PGCKA1: variants seen among roughly 807,000 people sequenced by gnomAD.
The protein encoded by PGCKA1 is PDCD10 and GCKIII kinases associated 1.
At chr4:37,507,696 AAAAC>A in the PGCKA1 span, among the ~76,000 whole-genome samples, 1 of 152,132 alleles carries the variant, frequency 6.6e-6, no homozygotes, top group African/African-American at 2.4e-5. Flanking sequence ...TCTGTCTAAA[AAAAC>A]ATAGTTTGTA....
At chr4:37,494,298 A>G in the PGCKA1 span, among the ~76,000 whole-genome samples, 1 of 152,090 alleles carries the variant, frequency 6.6e-6, no homozygotes, top group African/African-American at 2.4e-5. Context: ...ACCCTCCAGT[A>G]GTCCTCCATG....
chr4:37,578,434 G>A, the PGCKA1 span, among the ~76,000 whole-genome samples: 7 of 152,066 alleles, frequency 4.6e-5, no homozygotes, highest in African/African-American at 1.7e-4. Context: ...CAGTCTATGT[G>A]TGTCTTTATA....
chr4:37,463,640 C>G, the PGCKA1 span, among the ~76,000 whole-genome samples: 10 of 152,202 alleles, frequency 6.6e-5, no homozygotes, highest in African/African-American at 2.4e-4. Flanking sequence ...TGCTGCAGCA[C>G]AGGGCTAAAT....
the PGCKA1 span, among the ~76,000 whole-genome samples, chr4:37,509,234 T>C: frequency 2.6e-5 from 3 of 114,132 alleles, no homozygotes; most frequent in Admixed American, 2.7e-4. Context: ...GAGGGGCTCC[T>C]CACTTCCCAG....
the PGCKA1 span, among the ~76,000 whole-genome samples, chr4:37,592,408 C>T: frequency 4.0e-5 from 6 of 151,358 alleles, no homozygotes; most frequent in East Asian, 1.9e-4. Context: ...AGGAAGGGAC[C>T]GAGCTGGTTT....
chr4:37,489,387 T>G, the PGCKA1 span, among the ~76,000 whole-genome samples: 1 of 152,172 alleles, frequency 6.6e-6, no homozygotes, highest in Non-Finnish European at 1.5e-5. Context: ...ATGTCTCTGT[T>G]TTTTTGCCCT....
the PGCKA1 span, among the ~76,000 whole-genome samples, chr4:37,475,969 ATTATT>A: frequency 2.0e-5 from 3 of 150,114 alleles, no homozygotes; most frequent in East Asian, 2.0e-4. Context: ...ATTTAAAATA[ATTATT>A]TTATTTTACA....
At chr4:37,472,610 G>A in the PGCKA1 span, among the ~76,000 whole-genome samples, 10 of 152,122 alleles carry the variant, frequency 6.6e-5, no homozygotes, top group East Asian at 1.9e-4. Flanking sequence ...AGTCCACATC[G>A]TGACATGAAA....
At chr4:37,536,761 A>G in the PGCKA1 span, among the ~76,000 whole-genome samples, 1 of 152,250 alleles carries the variant, frequency 6.6e-6, no homozygotes. Context: ...CAATGCATAA[A>G]TGAATGGGCC....
the PGCKA1 span, among the ~76,000 whole-genome samples, chr4:37,545,403 C>T: frequency 6.6e-6 from 1 of 152,178 alleles, no homozygotes; most frequent in South Asian, 2.1e-4. Flanking sequence ...CATTCTTTGG[C>T]TGAGACGGAA....
chr4:37,592,353 G>GAAA, the PGCKA1 span, among the ~76,000 whole-genome samples: 10 of 108,144 alleles, frequency 9.2e-5, no homozygotes, highest in Admixed American at 3.9e-4. Flanking sequence ...CCATCTCTAT[G>GAAA]AAAAAAAAAA....
At chr4:37,557,791 T>C in the PGCKA1 span, among the ~76,000 whole-genome samples, 1 of 152,190 alleles carries the variant, frequency 6.6e-6, no homozygotes, top group African/African-American at 2.4e-5. Context: ...AGACTGAAAT[T>C]GTGGTTAACT....
At chr4:37,464,112 AC>A in the PGCKA1 span, among the ~76,000 whole-genome samples, 1 of 152,122 alleles carries the variant, frequency 6.6e-6, no homozygotes, top group Non-Finnish European at 1.5e-5. Context: ...GCAGGTGCTT[AC>A]CCTCTATTCA....
chr4:37,513,475 T>C, the PGCKA1 span, among the ~76,000 whole-genome samples: 1,620 of 152,372 alleles, frequency 0.011, 39 homozygotes, highest in African/African-American at 0.037. Flanking sequence ...TCATGTGGTC[T>C]TTCCTTGCTG....
At chr4:37,539,818 G>A in the PGCKA1 span, among the ~76,000 whole-genome samples, 2 of 152,152 alleles carry the variant, frequency 1.3e-5, no homozygotes, top group Non-Finnish European at 2.9e-5. Context: ...TGAACATTGT[G>A]TATTTTCATG....
chr4:37,570,799 T>C, the PGCKA1 span, among the ~76,000 whole-genome samples: 1 of 152,228 alleles, frequency 6.6e-6, no homozygotes, highest in Non-Finnish European at 1.5e-5. Context: ...AAAAGTTTGT[T>C]GAATAGAACC....
chr4:37,562,490 A>C, the PGCKA1 span, among the ~76,000 whole-genome samples: 1 of 152,210 alleles, frequency 6.6e-6, no homozygotes, highest in Non-Finnish European at 1.5e-5. Flanking sequence ...AGCCAGAGAC[A>C]CTAGCAGGTA....
At chr4:37,568,150 A>G in the PGCKA1 span, among the ~76,000 whole-genome samples, 1 of 152,200 alleles carries the variant, frequency 6.6e-6, no homozygotes, top group African/African-American at 2.4e-5. Flanking sequence ...AGGGCCGGCA[A>G]GGCCAGCCTT....
the PGCKA1 span, among the ~76,000 whole-genome samples, chr4:37,540,934 G>GA: frequency 2.7e-5 from 4 of 147,332 alleles, no homozygotes; most frequent in Non-Finnish European, 4.4e-5. Context: ...ACTCCACTTG[G>GA]AAAAAAACCC....
Sources: gnomAD v4.1 joint callset for allele counts (sites outside exome capture counted in the v4.1 genomes callset) on GRCh38, gnomAD v4.1.1 for gene constraint, MANE v1.5 for transcripts, NCBI Gene and HGNC (gene_info 2026-07-23, HGNC 2026-07-21) for gene names.